Variants in NCK2 observed in about 807,000 individuals in gnomAD.
NCK2 encodes the protein NCK adaptor protein 2.
Under a neutral mutation model 33.9 loss-of-function variants are expected in NCK2, and 16 were observed. The ratio of observed to expected loss-of-function variants is 0.47; its 90% CI spans 0.32 to 0.72. The LOEUF (loss-of-function observed/expected upper bound fraction) is 0.72, where lower values mean the gene tolerates loss of function less well. Ranked by LOEUF, NCK2 falls within the 30% of genes least tolerant of loss-of-function variation. The probability of loss-of-function intolerance (pLI) is 0.03; values close to 1 mark genes in which losing one functional copy is unlikely to be tolerated. For synonymous variants in NCK2, 273 were observed against 239.9 expected (o/e 1.14, Z -1.27); for missense variants, 418 against 537.3 (o/e 0.78, Z 2.19).
chr2:105,868,399 G>A (rs934356340), intron 3 of NCK2, among the ~76,000 whole-genome samples: 9 of 152,194 alleles, frequency 5.9e-5, no homozygotes, highest in Admixed American at 3.9e-4. Context: ...AGGCTGGGGT[G>A]GCCTGCGTTC....
chr2:105,851,609 GT>G (rs1424016730), intron 2 of NCK2: 1 of 152,500 alleles, frequency 6.6e-6, no homozygotes, highest in East Asian at 1.9e-4. Flanking sequence ...TGCTCCAGGA[GT>G]TTCAGAAGCG....
chr2:105,889,531 G>T (rs548863243), intron 4 of NCK2, among the ~76,000 whole-genome samples: 1 of 150,880 alleles, frequency 6.6e-6, no homozygotes, highest in South Asian at 2.1e-4. Context: ...CAGAATTTCT[G>T]CTACAGCAGG....
At chr2:105,878,440 CAAAG>C (rs754686314) in intron 3 of NCK2, among the ~76,000 whole-genome samples, 17 of 152,198 alleles carry the variant, frequency 1.1e-4, no homozygotes, top group Admixed American at 5.9e-4. Context: ...GATTGGAACA[CAAAG>C]AAAAGGAGAT....
Position 105,881,642 on chromosome 2 carries a change from A to G in NCK2, c.541A>G (p.Ser181Gly). 1 of 1,613,396 alleles carries G rather than the reference A, an allele frequency of 6.2e-7. No homozygotes were observed. Among genetic ancestry groups the G allele is most frequent in the Admixed American group, 1.7e-5 (1 of 60,008 alleles). ...EAAAESPSFL[S>G]LRKGASLSNG... The stretch of plus-strand genomic sequence containing the variant: ...GGCTGCGGAGTCCCCAAGCTTCCTG[A>G]GCCTGCGCAAGGGCGCCTCGCTGAG... The change falls in exon 4 of 5, where the codon AGC becomes GGC. Residue 181 changes from serine to glycine, a missense_variant. Transcript: ENST00000233154.
intron 1 of NCK2, among the ~76,000 whole-genome samples, chr2:105,746,233 G>A (rs139265895): frequency 2.6e-5 from 4 of 152,224 alleles, no homozygotes; most frequent in Admixed American, 2.0e-4. Context: ...GCAGGCCCCA[G>A]TGTGGGCAGG....
intron 1 of NCK2, among the ~76,000 whole-genome samples, chr2:105,758,812 G>A (rs901499263): frequency 2.6e-5 from 4 of 152,192 alleles, no homozygotes; most frequent in African/African-American, 9.7e-5. Flanking sequence ...TGCTCTGACA[G>A]TAAGTTGTTA....
At chr2:105,864,501 G>T (rs574187315) in intron 3 of NCK2, among the ~76,000 whole-genome samples, 9 of 152,206 alleles carry the variant, frequency 5.9e-5, no homozygotes, top group African/African-American at 2.2e-4. Context: ...GTGCGTAGTG[G>T]AGTTTGAGGT....
chr2:105,879,746 C>G (rs1024585500), intron 3 of NCK2, among the ~76,000 whole-genome samples: 1 of 152,256 alleles, frequency 6.6e-6, no homozygotes, highest in African/African-American at 2.4e-5. Context: ...GGACAATCAG[C>G]CTTTTTACCC....
chr2:105,870,589 C>G (rs910404855), intron 3 of NCK2, among the ~76,000 whole-genome samples: 1 of 152,080 alleles, frequency 6.6e-6, no homozygotes, highest in Non-Finnish European at 1.5e-5. Flanking sequence ...AACCCCGTCT[C>G]TACTAAAAAT....
At chr2:105,750,446 G>A (rs1186427546) in intron 1 of NCK2, among the ~76,000 whole-genome samples, 2 of 152,224 alleles carry the variant, frequency 1.3e-5, no homozygotes, top group Non-Finnish European at 2.9e-5. Flanking sequence ...GCCACTCCCA[G>A]TGTGTCTGTC....
rs908812223 is a variant in NCK2 at position 105,889,510 on chromosome 2, G to A, written c.949-3472G>A. Among the ~76,000 whole-genome samples the A allele has an allele frequency of 3.3e-5, 5 of 152,018 alleles. No homozygotes were observed. In the South Asian group the frequency reaches 6.2e-4, roughly 19 times the overall value. ...GCTGGAGGTTAAAACACAGATGGCT[G>A]GGCTCCACCCCAGAATTTCTGCTAC... On this transcript the variant is annotated intron_variant, in intron 4 of 4. Coordinates refer to ENST00000233154, the MANE Select transcript of NCK2 (RefSeq NM_003581.5).
intron 4 of NCK2, among the ~76,000 whole-genome samples, chr2:105,885,335 C>T (rs1678681633): frequency 6.6e-6 from 1 of 152,054 alleles, no homozygotes; most frequent in Admixed American, 6.5e-5. Context: ...AACTGTCTCG[C>T]TAAGGATAAT....
chr2:105,794,045 A>ATT (rs554091969), intron 1 of NCK2, among the ~76,000 whole-genome samples: 9 of 109,530 alleles, frequency 8.2e-5, no homozygotes, highest in African/African-American at 1.8e-4. Context: ...GTATCTTTCG[A>ATT]TTTTTTTTTT....
chr2:105,768,253 A>T (rs11694185), intron 1 of NCK2, among the ~76,000 whole-genome samples: 1 of 152,130 alleles, frequency 6.6e-6, no homozygotes, highest in Non-Finnish European at 1.5e-5. Context: ...AGCTGGACTC[A>T]CCACCCCTTG....
chr2:105,814,767 C>A (rs1049685058), intron 1 of NCK2, among the ~76,000 whole-genome samples: 1 of 152,280 alleles, frequency 6.6e-6, no homozygotes, highest in East Asian at 1.9e-4. Context: ...GGCAGTGTAT[C>A]AGAAGGATTA....
Position 105,828,883 on chromosome 2 carries a change from G to C in NCK2, c.-17+12270G>C, listed in dbSNP as rs545952135. The stretch of plus-strand genomic sequence containing the variant: ...CTTTTAATAGAAACCATAGCTCTTA[G>C]TATGAGCTCACACACTCCATCTCTC... On this transcript the variant is annotated intron_variant, in intron 2 of 4. Transcript: ENST00000233154. 2.6e-5 allele frequency among the ~76,000 whole-genome samples: 4 copies of C among 152,090 alleles called. No homozygotes were observed. In the East Asian group the frequency reaches 7.7e-4, roughly 29 times the overall value.
chr2:105,819,058 C>T (rs1353682314), intron 2 of NCK2, among the ~76,000 whole-genome samples: 2 of 152,022 alleles, frequency 1.3e-5, no homozygotes. Flanking sequence ...CATATTGTCC[C>T]GTTGATTTAG....
At chr2:105,776,632 G>A (rs1447521662) in intron 1 of NCK2, among the ~76,000 whole-genome samples, 1 of 152,148 alleles carries the variant, frequency 6.6e-6, no homozygotes, top group Admixed American at 6.5e-5. Flanking sequence ...GGGTTAGCTG[G>A]TGAGCAGATG....
At chr2:105,830,301 G>A (rs776019571) in intron 2 of NCK2, among the ~76,000 whole-genome samples, 43 of 151,930 alleles carry the variant, frequency 2.8e-4, no homozygotes, top group African/African-American at 9.7e-4. Flanking sequence ...TAGCTCCCAC[G>A]TGAGTGAGAA....
Sources: gnomAD v4.1 joint callset for allele counts (sites outside exome capture counted in the v4.1 genomes callset) on GRCh38, gnomAD v4.1.1 for gene constraint, MANE v1.5 for transcripts, NCBI Gene and HGNC (gene_info 2026-07-23, HGNC 2026-07-21) for gene names.